ARMH1: variants seen among roughly 807,000 people sequenced by gnomAD.
ARMH1 encodes the protein armadillo-like helical domain containing protein 1.
Under a neutral mutation model 50.2 loss-of-function variants are expected in ARMH1, and 34 were observed. The ratio of observed to expected loss-of-function variants is 0.68; its 90% CI spans 0.51 to 0.90. The LOEUF (loss-of-function observed/expected upper bound fraction) is 0.90, where lower values mean the gene tolerates loss of function less well. Among genes scored for constraint, ARMH1 ranks in the 40% least tolerant of loss-of-function variants. The pLI is 0.00. For missense variants in ARMH1, 538 were observed against 553.9 expected (o/e 0.97, Z 0.29); for synonymous variants, 221 against 224.2 (o/e 0.99, Z 0.13).
At chr1:44,721,512 T>A (rs183661002) in intron 6 of ARMH1, among the ~76,000 whole-genome samples, 1 of 149,774 alleles carries the variant, frequency 6.7e-6, no homozygotes, top group African/African-American at 2.4e-5. Flanking sequence ...AGGTTTTCTT[T>A]TAAAAAAAAA....
intron 2 of ARMH1, among the ~76,000 whole-genome samples, chr1:44,694,950 T>C (rs1311082395): frequency 6.6e-6 from 1 of 152,152 alleles, no homozygotes; most frequent in Non-Finnish European, 1.5e-5. Flanking sequence ...CTTGAAAAGG[T>C]TGAGTAATTT....
At position 44,724,534 on chromosome 1, in the gene ARMH1, C is replaced by T. The variant is rs1489026482; in HGVS notation, c.921-5C>T. The T allele has an allele frequency of 6.6e-7, 1 of 1,507,132 alleles. No homozygotes were observed. The allele number at this position is 1,507,132 out of a possible 1,614,324, so 93.4% of individuals were successfully genotyped here. ...GCGTCGCCCCAGCCCGAACCCCCGG[C>T]CCAGGGTCCTGGCGCGCAACGACAT... On this transcript the variant is annotated splice_region_variant and splice_polypyrimidine_tract_variant and intron_variant, in intron 8 of 11. Transcript: ENST00000535358. This position sits in a 1 kb window ranked among gnomAD's most constrained non-coding sequence, Gnocchi z 6.4.
intron 3 of ARMH1, among the ~76,000 whole-genome samples, chr1:44,697,717 C>T (rs1408490760): frequency 1.3e-5 from 2 of 152,176 alleles, no homozygotes; most frequent in Non-Finnish European, 2.9e-5. Context: ...CAGCCCCAAA[C>T]GAACTTCTGC....
At chr1:44,679,178 T>C (rs4660821) in intron 1 of ARMH1, among the ~76,000 whole-genome samples, 67,761 of 151,708 alleles carry the variant, frequency 0.45, 15,862 homozygotes, top group African/African-American at 0.58. Context: ...CTTGATTTTT[T>C]GCACCGTTTT....
chr1:44,713,019 C>A (rs1646684699), intron 6 of ARMH1, among the ~76,000 whole-genome samples: 1 of 140,980 alleles, frequency 7.1e-6, no homozygotes, highest in Admixed American at 7.0e-5. Flanking sequence ...CTTTGCTTTG[C>A]ACTTTTTTTT....
intron 6 of ARMH1, among the ~76,000 whole-genome samples, chr1:44,716,668 A>G (rs183097278): frequency 1.9e-3 from 287 of 152,226 alleles, no homozygotes; most frequent in Middle Eastern, 0.01. Flanking sequence ...CCTCTTCCCC[A>G]TTCTGTCTCC....
At chr1:44,719,511 G>T (rs1223423414) in intron 6 of ARMH1, among the ~76,000 whole-genome samples, 1 of 152,222 alleles carries the variant, frequency 6.6e-6, no homozygotes, top group Non-Finnish European at 1.5e-5. Context: ...GCACCCAGGA[G>T]AGCTGAGCAT....
Position 44,724,020 on chromosome 1 carries a change from G to T in ARMH1, c.725-102G>T. On this transcript the variant is annotated intron_variant, in intron 6 of 11. Transcript: ENST00000535358. This position sits in a 1 kb window ranked among gnomAD's most constrained non-coding sequence, Gnocchi z 6.4. Reference sequence around the variant, plus strand: ...CCCTGCACAGTGCTGATCAGTAAAAGAGGAGGACACTGACGAGTGGCGACT... The same window carrying T: ...CCCTGCACAGTGCTGATCAGTAAAATAGGAGGACACTGACGAGTGGCGACT... 7.0e-7 allele frequency: 1 copy of T among 1,428,916 alleles called. No individual in the cohort carries two copies. The allele number at this position is 1,428,916 out of a possible 1,614,324, so 88.5% of individuals were successfully genotyped here.
intron 5 of ARMH1, among the ~76,000 whole-genome samples, chr1:44,703,071 C>G (rs540642270): frequency 6.6e-6 from 1 of 152,048 alleles, no homozygotes; most frequent in East Asian, 1.9e-4. Context: ...TATGGATGAG[C>G]TTGAGGATGT....
intron 1 of ARMH1, among the ~76,000 whole-genome samples, chr1:44,687,871 G>C (rs1377954373): frequency 6.6e-6 from 1 of 152,180 alleles, no homozygotes; most frequent in Non-Finnish European, 1.5e-5. Context: ...GCCGTAATGT[G>C]CCCTGCTTAG....
intron 6 of ARMH1, among the ~76,000 whole-genome samples, chr1:44,715,520 T>C (rs1460549338): frequency 6.6e-6 from 1 of 152,162 alleles, no homozygotes; most frequent in African/African-American, 2.4e-5. Context: ...CCTGCACCAT[T>C]AAAGAGTTTC....
intron 6 of ARMH1, among the ~76,000 whole-genome samples, chr1:44,718,407 C>T (rs1367829652): frequency 6.6e-6 from 1 of 152,182 alleles, no homozygotes; most frequent in Non-Finnish European, 1.5e-5. Flanking sequence ...GGGAAGAAAC[C>T]AAATGGTAGA....
In ARMH1 at chr1:44,681,577, G is replaced by T. The variant is rs1645314953; in HGVS notation, c.-23+6704G>T. Among the ~76,000 whole-genome samples, 1 of 140,594 alleles carries T rather than the reference G, an allele frequency of 7.1e-6. No homozygotes were observed. Among genetic ancestry groups the T allele is most frequent in the South Asian group, 2.3e-4 (1 of 4,370 alleles). 92.2% of individuals were successfully genotyped at this position (140,594 alleles called of 152,430 possible). Reference sequence around the variant, plus strand: ...GGGGTTAAGGATACAAGGGAGGCAGGAGTAATGAGTAGAATGAGGGCCCTG... The same window carrying T: ...GGGGTTAAGGATACAAGGGAGGCAGTAGTAATGAGTAGAATGAGGGCCCTG... On this transcript the variant is annotated intron_variant, in intron 1 of 11. Transcript: ENST00000535358. This position sits in a 1 kb window ranked among gnomAD's most constrained non-coding sequence, Gnocchi z 4.3.
intron 1 of ARMH1, among the ~76,000 whole-genome samples, chr1:44,686,067 G>T (rs114577413): frequency 1.3e-5 from 2 of 152,178 alleles, no homozygotes; most frequent in African/African-American, 2.4e-5. Flanking sequence ...ATGGGCATCC[G>T]TCAGAAAAAC....
chr1:44,718,220 G>C (rs890974503), intron 6 of ARMH1, among the ~76,000 whole-genome samples: 41 of 152,230 alleles, frequency 2.7e-4, no homozygotes, highest in African/African-American at 8.7e-4. Flanking sequence ...AGAGCTCTTG[G>C]GCACAGGCAG....
rs576525306 is a variant in ARMH1 at position 44,717,306 on chromosome 1, A to C, written c.725-6816A>C. Among the ~76,000 whole-genome samples, 3 of 152,282 alleles carry C rather than the reference A, an allele frequency of 2.0e-5. No homozygotes were observed. In the East Asian group the frequency reaches 5.8e-4, roughly 29 times the overall value. ...CAGAAGCTGGGGCTGGCCTGCCTCC[A>C]CAGGCTTAGCTCTGATGCATGACCC... On this transcript the variant is annotated intron_variant, in intron 6 of 11. Transcript: ENST00000535358.
chr1:44,696,736 T>G (rs547001104), intron 2 of ARMH1, among the ~76,000 whole-genome samples: 2 of 152,308 alleles, frequency 1.3e-5, no homozygotes, highest in South Asian at 4.1e-4. Flanking sequence ...CACAAAGTCA[T>G]GAACTATGCT....
chr1:44,702,710 C>CAAAA (rs11449439), intron 5 of ARMH1, among the ~76,000 whole-genome samples: 1 of 89,962 alleles, frequency 1.1e-5, no homozygotes, highest in African/African-American at 4.3e-5. Flanking sequence ...GACTCCATCT[C>CAAAA]AAAAAAAAAA....
intron 6 of ARMH1, among the ~76,000 whole-genome samples, chr1:44,714,376 G>A (rs565227311): frequency 4.6e-5 from 7 of 150,872 alleles, no homozygotes; most frequent in East Asian, 2.0e-4. Flanking sequence ...ACCTGAGGTC[G>A]GAAGTTCGAG....
Sources: gnomAD v4.1 joint callset for allele counts (sites outside exome capture counted in the v4.1 genomes callset) on GRCh38, gnomAD v4.1.1 for gene constraint, Gnocchi (gnomAD v3.1) non-coding constraint, MANE v1.5 for transcripts, NCBI Gene and HGNC (gene_info 2026-07-23, HGNC 2026-07-21) for gene names.